The following HDAC9 variants were observed in gnomAD, a reference collection of about 807,000 sequenced individuals.
HDAC9 encodes histone deacetylase 9, also known as MEF-2 interacting transcription repressor (MITR) protein.
In HDAC9, 41 loss-of-function variants were observed where a neutral mutation model predicts 139.4. That is an observed-to-expected ratio of 0.29 (90% CI 0.23 to 0.38). The LOEUF (loss-of-function observed/expected upper bound fraction) is 0.38. Among genes scored for constraint, HDAC9 ranks in the 10% least tolerant of loss-of-function variants. HDAC9 has a pLI of 1.00. For synonymous variants in HDAC9, 517 were observed against 476.2 expected (o/e 1.09, Z -1.12); for missense variants, 1,147 against 1,297.0 (o/e 0.88, Z 1.78).
intron 2 of HDAC9, among the ~76,000 whole-genome samples, chr7:18,280,364 C>G (rs542421313): frequency 3.9e-5 from 6 of 152,012 alleles, no homozygotes; most frequent in African/African-American, 1.4e-4. Flanking sequence ...CCCAGGTGGG[C>G]GCATCATGAG....
intron 3 of HDAC9, among the ~76,000 whole-genome samples, chr7:18,588,676 A>G (rs1483826569): frequency 4.6e-5 from 7 of 152,178 alleles, no homozygotes. Flanking sequence ...TCTTGCCCAC[A>G]CACACACCAT....
At chr7:18,270,479 A>G (rs1796285609) in intron 2 of HDAC9, among the ~76,000 whole-genome samples, 2 of 152,182 alleles carry the variant, frequency 1.3e-5, no homozygotes, top group Non-Finnish European at 1.5e-5. Flanking sequence ...AAGGCCAAGT[A>G]CATTGGTACT....
chr7:18,670,820 T>G (rs370318951), intron 12 of HDAC9, among the ~76,000 whole-genome samples: 17 of 151,972 alleles, frequency 1.1e-4, no homozygotes, highest in Admixed American at 1.1e-3. Context: ...ATCAATAATC[T>G]TTTTTTAATA....
intron 19 of HDAC9, 81 bp from the exon 20 acceptor site, chr7:18,835,386 A>C: frequency 7.2e-7 from 1 of 1,392,000 alleles, no homozygotes; most frequent in Non-Finnish European, 9.7e-7. Context: ...GTAGAAAGAC[A>C]GGGAACTAGA....
chr7:18,858,224 A>G (rs1000262551), intron 21 of HDAC9, among the ~76,000 whole-genome samples: 3 of 152,198 alleles, frequency 2.0e-5, no homozygotes, highest in Non-Finnish European at 4.4e-5. Flanking sequence ...TAATCAATGT[A>G]TTACTCAATT....
At chr7:18,503,428 A>G (rs1798922859) in intron 2 of HDAC9, among the ~76,000 whole-genome samples, 1 of 152,216 alleles carries the variant, frequency 6.6e-6, no homozygotes, top group South Asian at 2.1e-4. Flanking sequence ...AACGACCTAC[A>G]CTTTCAAGTG....
intron 22 of HDAC9, among the ~76,000 whole-genome samples, chr7:18,909,676 AGGTTCATTGCAT>A (rs1802572758): frequency 6.6e-6 from 1 of 151,910 alleles, no homozygotes; most frequent in Non-Finnish European, 1.5e-5. Context: ...TACTATGTGC[AGGTTCATTGCAT>A]GGATATATTG....
intron 22 of HDAC9, among the ~76,000 whole-genome samples, chr7:18,893,585 C>T (rs1585243836): frequency 6.6e-6 from 1 of 152,156 alleles, no homozygotes; most frequent in African/African-American, 2.4e-5. Context: ...GCCCAATAGC[C>T]ATTCACAGCT....
At chr7:18,578,129 G>A (rs1453807693) in intron 2 of HDAC9, 1 of 518,956 alleles carries the variant, frequency 1.9e-6, no homozygotes. Context: ...GCAGGGAACT[G>A]TGGGTATTTT....
intron 1 of HDAC9, among the ~76,000 whole-genome samples, chr7:18,357,837 A>G (rs1783442990): frequency 6.6e-6 from 1 of 152,154 alleles, no homozygotes; most frequent in Non-Finnish European, 1.5e-5. Context: ...GTAAGCTAGG[A>G]TGTGGCTTGG....
chr7:18,526,555 A>G (rs529671290), intron 2 of HDAC9, among the ~76,000 whole-genome samples: 87 of 152,304 alleles, frequency 5.7e-4, no homozygotes, highest in Non-Finnish European at 8.1e-4. Flanking sequence ...ACCAAAACAT[A>G]TTATCAAAGC....
At chr7:18,269,026 G>A (rs748116319) in intron 2 of HDAC9, among the ~76,000 whole-genome samples, 4 of 152,110 alleles carry the variant, frequency 2.6e-5, no homozygotes, top group Admixed American at 6.6e-5. Flanking sequence ...AATAAATATT[G>A]CATTTATAGT....
intron 2 of HDAC9, among the ~76,000 whole-genome samples, chr7:18,196,333 A>T (rs935270077): frequency 6.6e-6 from 1 of 152,212 alleles, no homozygotes; most frequent in African/African-American, 2.4e-5. Context: ...CATGAGGATT[A>T]GGAAATTAAA....
intron 1 of HDAC9, among the ~76,000 whole-genome samples, chr7:18,357,482 G>A (rs571650325): frequency 2.0e-4 from 30 of 152,110 alleles, no homozygotes; most frequent in African/African-American, 7.0e-4. Flanking sequence ...AAAGGAGAAG[G>A]GAGAGAACAC....
intron 1 of HDAC9, among the ~76,000 whole-genome samples, chr7:18,319,642 TTA>T (rs564550797): frequency 5.5e-4 from 83 of 152,256 alleles, no homozygotes; most frequent in Non-Finnish European, 8.8e-4. Flanking sequence ...TGCTTGTAAT[TTA>T]GCTCTGACAA....
intron 24 of HDAC9, among the ~76,000 whole-genome samples, chr7:18,971,731 AG>A (rs1585440889): frequency 6.6e-6 from 1 of 152,226 alleles, no homozygotes; most frequent in East Asian, 1.9e-4. Flanking sequence ...TATAATTTAA[AG>A]TTTTGGGTTA....
chr7:18,842,590 G>A (rs567304574), intron 21 of HDAC9, among the ~76,000 whole-genome samples: 13 of 152,030 alleles, frequency 8.6e-5, no homozygotes, highest in East Asian at 5.8e-4. Flanking sequence ...TTATCAAAGC[G>A]GGTCACAAGA....
intron 25 of HDAC9, among the ~76,000 whole-genome samples, chr7:18,985,232 A>G (rs1785245013): frequency 6.7e-6 from 1 of 150,290 alleles, no homozygotes; most frequent in South Asian, 2.1e-4. Flanking sequence ...CCCCAACCCC[A>G]CAACAGACCC....
chr7:18,909,488 C>A (rs544169119), intron 22 of HDAC9, among the ~76,000 whole-genome samples: 2 of 152,012 alleles, frequency 1.3e-5, no homozygotes, highest in South Asian at 4.2e-4. Context: ...CAAAGCATTT[C>A]CCCTATGTTT....
Sources: allele counts gnomAD v4.1 joint callset (sites outside exome capture counted in the v4.1 genomes callset), GRCh38; gene constraint gnomAD v4.1.1; transcripts MANE v1.5; gene names NCBI Gene and HGNC (gene_info 2026-07-23, HGNC 2026-07-21).